B3GALT1: variants seen among roughly 807,000 people sequenced by gnomAD.
B3GALT1 encodes the protein beta-1,3-galactosyltransferase 1.
In B3GALT1, 10 loss-of-function variants were observed where a neutral mutation model predicts 23.2. The ratio of observed to expected loss-of-function variants is 0.43; its 90% CI spans 0.27 to 0.73. The LOEUF is 0.73. Ranked by LOEUF, B3GALT1 falls within the 30% of genes least tolerant of loss-of-function variation. The probability of loss-of-function intolerance (pLI) is 0.21; values close to 1 mark genes in which losing one functional copy is unlikely to be tolerated. For synonymous variants in B3GALT1, 156 were observed against 141.5 expected (o/e 1.10, Z -0.73); for missense variants, 299 against 405.4 (o/e 0.74, Z 2.25).
intron 2 of B3GALT1, among the ~76,000 whole-genome samples, chr2:167,521,482 A>C (rs1700187563): frequency 6.6e-6 from 1 of 152,118 alleles, no homozygotes; most frequent in Admixed American, 6.6e-5. Flanking sequence ...ACTAACTACT[A>C]TCCAAATCTT....
intron 3 of B3GALT1, among the ~76,000 whole-genome samples, chr2:167,803,853 G>T (rs1688691739): frequency 6.6e-6 from 1 of 152,140 alleles, no homozygotes; most frequent in African/African-American, 2.4e-5. Context: ...AGCAGTTCTA[G>T]GGTAGGCATT....
At chr2:167,510,010 G>T (rs770325552) in intron 2 of B3GALT1, among the ~76,000 whole-genome samples, 1 of 152,152 alleles carries the variant, frequency 6.6e-6, no homozygotes, top group African/African-American at 2.4e-5. Flanking sequence ...AAGCAGATAT[G>T]ATTTGAAATC....
At chr2:167,699,378 C>CTT (rs1285786645) in intron 3 of B3GALT1, among the ~76,000 whole-genome samples, 9 of 78,684 alleles carry the variant, frequency 1.1e-4, no homozygotes, top group Admixed American at 8.7e-4. Flanking sequence ...GCCATTATTT[C>CTT]TATTTTTTTT....
chr2:167,627,548 C>T (rs1364408576), intron 2 of B3GALT1, among the ~76,000 whole-genome samples: 2 of 151,618 alleles, frequency 1.3e-5, no homozygotes, highest in Non-Finnish European at 3.0e-5. Flanking sequence ...TATGAATGTA[C>T]CACAATTTGT....
At chr2:167,463,873 A>C (rs1454886603) in intron 1 of B3GALT1, among the ~76,000 whole-genome samples, 1 of 152,184 alleles carries the variant, frequency 6.6e-6, no homozygotes, top group African/African-American at 2.4e-5. Flanking sequence ...CTACAAAGAC[A>C]GGAGGCATTT....
chr2:167,488,391 A>G (rs540124527), intron 1 of B3GALT1, among the ~76,000 whole-genome samples: 14 of 152,236 alleles, frequency 9.2e-5, no homozygotes, highest in Non-Finnish European at 1.9e-4. Flanking sequence ...GGCTGTGTCT[A>G]TTTTGCTAAC....
intron 2 of B3GALT1, among the ~76,000 whole-genome samples, chr2:167,569,449 G>A (rs776529903): frequency 6.6e-6 from 1 of 151,478 alleles, no homozygotes; most frequent in African/African-American, 2.4e-5. Flanking sequence ...TTCATTTTTG[G>A]TGGTGCTAAT....
At chr2:167,855,443 AG>A (rs77076768) in intron 4 of B3GALT1, among the ~76,000 whole-genome samples, 2 of 149,010 alleles carry the variant, frequency 1.3e-5, no homozygotes, top group Non-Finnish European at 3.0e-5. Flanking sequence ...TCTTAGTAGA[AG>A]TAATTATTAG....
At chr2:167,641,865 A>G (rs1443810041) in intron 2 of B3GALT1, among the ~76,000 whole-genome samples, 1 of 152,164 alleles carries the variant, frequency 6.6e-6, no homozygotes, top group Non-Finnish European at 1.5e-5. Flanking sequence ...TGACTATTCA[A>G]CTTGTATCTC....
At chr2:167,518,866 G>A (rs1327408520) in intron 2 of B3GALT1, among the ~76,000 whole-genome samples, 1 of 151,892 alleles carries the variant, frequency 6.6e-6, no homozygotes, top group African/African-American at 2.4e-5. Context: ...ACTGATGGAA[G>A]CACATTGGTT....
At chr2:167,863,884 C>T (rs1322321637) in intron 4 of B3GALT1, among the ~76,000 whole-genome samples, 3 of 152,028 alleles carry the variant, frequency 2.0e-5, no homozygotes, top group Non-Finnish European at 2.9e-5. Flanking sequence ...AACTTGCATT[C>T]AGTATTGTCT....
Position 167,354,539 on chromosome 2 carries a change from G to T in B3GALT1, c.-511+61205G>T, listed in dbSNP as rs13386551. On this transcript the variant is annotated intron_variant, in intron 1 of 4. Coordinates refer to ENST00000392690, the MANE Select transcript of B3GALT1 (RefSeq NM_020981.4). ...TTTTTGTACTTTTAGTAGAGATGGG[G>T]TTTCACCATGTTGGCCAGGATGGTC... 2.6e-3 allele frequency among the ~76,000 whole-genome samples: 391 copies of T among 152,050 alleles called. 3 individuals carry two copies. The highest frequency in any genetic ancestry group is 0.013 in the South Asian group (65 of 4,816).
chr2:167,807,954 T>A (rs1160297321), intron 3 of B3GALT1, among the ~76,000 whole-genome samples: 1 of 152,250 alleles, frequency 6.6e-6, no homozygotes, highest in East Asian at 1.9e-4. Context: ...TTTGTAGGTC[T>A]CTAAGGACTT....
At chr2:167,556,323 T>C (rs1683851071) in intron 2 of B3GALT1, among the ~76,000 whole-genome samples, 1 of 152,108 alleles carries the variant, frequency 6.6e-6, no homozygotes, top group Admixed American at 6.6e-5. Context: ...AGGTAAACAG[T>C]TTCGAGGACT....
chr2:167,802,403 T>A (rs180689391), intron 3 of B3GALT1, among the ~76,000 whole-genome samples: 582 of 152,330 alleles, frequency 3.8e-3, no homozygotes, highest in Non-Finnish European at 6.3e-3. Context: ...TGTGTGGTTG[T>A]TTTTTATCAT....
At chr2:167,606,840 C>T (rs1282370956) in intron 2 of B3GALT1, among the ~76,000 whole-genome samples, 1 of 152,074 alleles carries the variant, frequency 6.6e-6, no homozygotes, top group South Asian at 2.1e-4. Flanking sequence ...AGAACTTTGA[C>T]TTTGAAATAA....
chr2:167,773,863 T>TA (rs1269905335), intron 3 of B3GALT1, among the ~76,000 whole-genome samples: 1 of 152,228 alleles, frequency 6.6e-6, no homozygotes, highest in Non-Finnish European at 1.5e-5. Flanking sequence ...CTTGCCAGTC[T>TA]ACTAATCTGG....
intron 2 of B3GALT1, among the ~76,000 whole-genome samples, chr2:167,539,182 T>C (rs372279010): frequency 4.7e-4 from 71 of 152,244 alleles, no homozygotes; most frequent in African/African-American, 1.7e-3. Context: ...TATGCTCTAC[T>C]TTTTCCCCAA....
intron 4 of B3GALT1, among the ~76,000 whole-genome samples, chr2:167,842,780 G>A (rs1689676351): frequency 1.3e-5 from 2 of 151,954 alleles, no homozygotes; most frequent in African/African-American, 2.4e-5. Context: ...AGGCTGAGGC[G>A]GGAGGATTAC....
Sources: gnomAD v4.1 joint callset for allele counts (sites outside exome capture counted in the v4.1 genomes callset) on GRCh38, gnomAD v4.1.1 for gene constraint, MANE v1.5 for transcripts, NCBI Gene and HGNC (gene_info 2026-07-23, HGNC 2026-07-21) for gene names.